ATIC: variants seen among roughly 807,000 people sequenced by gnomAD.
ATIC encodes bifunctional purine biosynthesis protein ATIC.
ATIC carries 64 observed loss-of-function variants against 72.5 expected under a neutral mutation model. That is an observed-to-expected ratio of 0.88 (90% CI 0.72 to 1.09). ATIC has a LOEUF of 1.09. Ranked by LOEUF, ATIC falls within the 50% of genes least tolerant of loss-of-function variation. The pLI is 0.00. For missense variants in ATIC, 787 were observed against 732.4 expected (o/e 1.07, Z -0.86); for synonymous variants, 281 against 267.1 (o/e 1.05, Z -0.51).
intron 4 of ATIC, among the ~76,000 whole-genome samples, chr2:215,320,523 G>C (rs1436791417): frequency 6.6e-6 from 1 of 152,148 alleles, no homozygotes; most frequent in Non-Finnish European, 1.5e-5. Flanking sequence ...GAAGAAGCAA[G>C]AGAGAGGGAG....
chr2:215,355,264 T>C, the ATIC span, among the ~76,000 whole-genome samples: 5 of 150,982 alleles, frequency 3.3e-5, no homozygotes, highest in African/African-American at 7.2e-5. Context: ...CATTAACATA[T>C]ATATGTCTAG....
At chr2:215,363,714 G>C in the ATIC span, 1 of 152,194 alleles carries the variant, frequency 6.6e-6, no homozygotes, top group Non-Finnish European at 1.5e-5. Flanking sequence ...GAGTTGCTGG[G>C]AGGGCATGTC....
intron 14 of ATIC, chr2:215,347,639 G>A: frequency 2.0e-6 from 1 of 490,302 alleles, no homozygotes; most frequent in Non-Finnish European, 4.1e-6. Context: ...ATCAACATAA[G>A]TGTCATTGAA....
intron 2 of ATIC, among the ~76,000 whole-genome samples, chr2:215,315,591 C>G (rs1006536709): frequency 6.6e-6 from 1 of 152,156 alleles, no homozygotes; most frequent in African/African-American, 2.4e-5. Context: ...AGGGCTTAAG[C>G]AATTTTGCCT....
intron 9 of ATIC, among the ~76,000 whole-genome samples, 194 bp from the exon 10 acceptor site, chr2:215,334,725 C>T (rs1002659352): frequency 4.6e-5 from 7 of 152,114 alleles, no homozygotes; most frequent in Non-Finnish European, 1.0e-4. Flanking sequence ...CTGAGTGTCA[C>T]TCTAGAGGGT....
chr2:215,364,816 C>A, the ATIC span: 1 of 1,108,528 alleles, frequency 9.0e-7, no homozygotes, highest in Non-Finnish European at 1.3e-6. Flanking sequence ...TACGACACAT[C>A]CTTGCAGGAG....
chr2:215,329,260 A>G (rs1413056211), intron 7 of ATIC, among the ~76,000 whole-genome samples: 1 of 152,166 alleles, frequency 6.6e-6, no homozygotes, highest in Non-Finnish European at 1.5e-5. Context: ...AAAAATCCCC[A>G]TGTACTGTCA....
At chr2:215,317,466 TGATATGCCATCTTCATGTG>T in intron 2 of ATIC, among the ~76,000 whole-genome samples, 1 of 152,180 alleles carries the variant, frequency 6.6e-6, no homozygotes, top group African/African-American at 2.4e-5. Context: ...TTCACTCACT[TGATATGCCATCTTCATGTG>T]TTGTTGTTGT....
chr2:215,335,283 T>G (rs1305719152), intron 10 of ATIC, among the ~76,000 whole-genome samples: 2 of 152,196 alleles, frequency 1.3e-5, no homozygotes, highest in Non-Finnish European at 2.9e-5. Context: ...AAAGTTACTG[T>G]TTCTGAAGAG....
intron 13 of ATIC, among the ~76,000 whole-genome samples, chr2:215,345,828 C>G (rs1268773890): frequency 6.6e-6 from 1 of 152,136 alleles, no homozygotes; most frequent in Non-Finnish European, 1.5e-5. Context: ...CTCTTTTATT[C>G]TCTTGTAGCT....
At chr2:215,364,565 G>C in the ATIC span, 1 of 441,964 alleles carries the variant, frequency 2.3e-6, no homozygotes, top group Non-Finnish European at 4.2e-6. Context: ...ATGCTAGGGA[G>C]CTTAGGAAAA....
chr2:215,337,667 C>T (rs949410370), intron 11 of ATIC, among the ~76,000 whole-genome samples: 4 of 152,186 alleles, frequency 2.6e-5, no homozygotes, highest in Non-Finnish European at 4.4e-5. Flanking sequence ...GCGCCTGGCC[C>T]CCAGTTTCTT....
In ATIC at chr2:215,338,866, G is replaced by A. The variant is rs1229250212; in HGVS notation, c.1186G>A (p.Asp396Asn). The A allele has an allele frequency of 8.1e-6, 13 of 1,613,514 alleles. No individual in the cohort carries two copies. Among genetic ancestry groups the A allele is most frequent in the East Asian group, 4.5e-5 (2 of 44,802 alleles). The change falls in exon 12 of 16, where the codon GAC becomes AAC. Residue 396 changes from aspartate (D) to asparagine (N), a missense_variant. Asp to Asn is a conservative substitution (Grantham distance 23). Coordinates refer to ENST00000236959, the MANE Select transcript of ATIC (RefSeq NM_004044.7). ...CCAGAAGAGAAATAATGGTGTCGTCGACAAGTCATTATTTAGCAATGTTGT... is the reference window on the plus strand; with the variant it reads ...CCAGAAGAGAAATAATGGTGTCGTCAACAAGTCATTATTTAGCAATGTTGT... ...LSQKRNNGVV[D>N]KSLFSNVVTK...
rs758737909 is a variant in ATIC at position 215,344,877 on chromosome 2, TG to T, written c.1320+9del. The T allele has an allele frequency of 1.1e-5, 17 of 1,613,314 alleles. No homozygotes were observed. The highest frequency in any genetic ancestry group is 3.4e-6 in the Non-Finnish European group (4 of 1,179,452). ...GCTACGCCAAGAACGGGCAGGTAAG[TG>T]GGCTGTTGGACTCGCCTTCGGGGGA... On this transcript the variant is annotated splice_region_variant and intron_variant, in intron 13 of 15. Transcript: ENST00000236959.
intron 7 of ATIC, among the ~76,000 whole-genome samples, chr2:215,331,643 A>G (rs1319397537): frequency 6.6e-6 from 1 of 152,028 alleles, no homozygotes; most frequent in African/African-American, 2.4e-5. Context: ...CGGCCTCCCA[A>G]AGTGCTGGGG....
At chr2:215,367,008 G>C in the ATIC span, among the ~76,000 whole-genome samples, 1 of 152,130 alleles carries the variant, frequency 6.6e-6, no homozygotes, top group East Asian at 1.9e-4. Flanking sequence ...ATGATTTCAA[G>C]TATACAAGTT....
rs370092739 is a variant in ATIC at position 215,312,489 on chromosome 2, C to G, written c.20-9C>G. 1.2e-6 allele frequency: 2 copies of G among 1,614,112 alleles called. No individual in the cohort carries two copies. Among genetic ancestry groups the G allele is most frequent in the African/African-American group, 1.3e-5 (1 of 74,922 alleles). On this transcript the variant is annotated splice_polypyrimidine_tract_variant and intron_variant, in intron 1 of 15. Coordinates refer to ENST00000236959, the MANE Select transcript of ATIC (RefSeq NM_004044.7). ...TGCGAATCATGAGAAAAAATGTCTT[C>G]TCTTTCAGCCTTATTTAGTGTCTCT... is the stretch of plus-strand genomic sequence containing the variant.
chr2:215,346,150 TTTTA>T (rs35409099), intron 13 of ATIC, among the ~76,000 whole-genome samples: 42 of 151,066 alleles, frequency 2.8e-4, no homozygotes, highest in African/African-American at 9.2e-4. Flanking sequence ...TGGTCATTAG[TTTTA>T]TTTATTTATT....
chr2:215,327,020 A>T, intron 7 of ATIC, 42 bp downstream of exon 7: 1 of 1,613,282 alleles, frequency 6.2e-7, no homozygotes, highest in Non-Finnish European at 8.5e-7. Context: ...CTGTGCCTGG[A>T]GAGTGTGTGT....
Sources: gnomAD v4.1 joint callset for allele counts (sites outside exome capture counted in the v4.1 genomes callset) on GRCh38, gnomAD v4.1.1 for gene constraint, MANE v1.5 for transcripts, NCBI Gene and HGNC (gene_info 2026-07-23, HGNC 2026-07-21) for gene names.